Variants in SSR3 observed in about 807,000 individuals in gnomAD.
SSR3 encodes the protein translocon-associated protein subunit gamma.
Under a neutral mutation model 22.1 loss-of-function variants are expected in SSR3, and 10 were observed. The observed-to-expected ratio is 0.45, with a 90% CI of 0.28 to 0.77. SSR3 has a LOEUF of 0.77. Among genes scored for constraint, SSR3 ranks in the 30% least tolerant of loss-of-function variants. SSR3 has a pLI of 0.13. For synonymous variants in SSR3, 104 were observed against 82.5 expected (o/e 1.26, Z -1.42); for missense variants, 181 against 220.5 (o/e 0.82, Z 1.13).
intron 2 of SSR3, among the ~76,000 whole-genome samples, chr3:156,553,314 G>A (rs1720030575): frequency 6.6e-6 from 1 of 152,148 alleles, no homozygotes; most frequent in African/African-American, 2.4e-5. Flanking sequence ...TACGTGAAGA[G>A]CCCAGAACAA....
Position 156,543,021 on chromosome 3 carries a change from T to C in SSR3, c.*182A>G. ...ACTCTGAGTTTCCCTTTCAATTCAT[T>C]TAATTTCAACAATCTGTCAAAAAAC... On this transcript the variant is annotated 3_prime_UTR_variant, in exon 5 of 5. Coordinates refer to ENST00000265044, the MANE Select transcript of SSR3 (RefSeq NM_007107.5). 2.0e-6 allele frequency: 1 copy of C among 492,224 alleles called. No individual in the cohort carries two copies. Among genetic ancestry groups the C allele is most frequent in the African/African-American group, 1.9e-5 (1 of 52,348 alleles). 30.5% of individuals were successfully genotyped at this position (492,224 alleles called of 1,614,324 possible). A position where few individuals can be genotyped will look rare whatever the true frequency, so the allele number is the denominator to read the frequency against.
At chr3:156,549,951 A>T (rs1472751460) in intron 2 of SSR3, among the ~76,000 whole-genome samples, 1 of 152,132 alleles carries the variant, frequency 6.6e-6, no homozygotes, top group African/African-American at 2.4e-5. Flanking sequence ...TACTCCGAAG[A>T]TCCAACTTCA....
In SSR3 at chr3:156,541,440, T is replaced by TG. The variant is rs1322440050; in HGVS notation, c.*1762dup. On this transcript the variant is annotated 3_prime_UTR_variant, in exon 5 of 5. Coordinates refer to ENST00000265044, the MANE Select transcript of SSR3 (RefSeq NM_007107.5). Reference sequence around the variant, plus strand: ...GGGTTTTTTTGTTTCTTTTTTGAGATGGAGTCTCACCCTTGCCACCCAGGC... The same window carrying TG: ...GGGTTTTTTTGTTTCTTTTTTGAGATGGGAGTCTCACCCTTGCCACCCAGGC... 3.3e-5 allele frequency: 5 copies of TG among 152,120 alleles called. No individual in the cohort carries two copies. The highest frequency in any genetic ancestry group is 6.5e-5 in the Admixed American group (1 of 15,268). 9.4% of individuals were successfully genotyped at this position (152,120 alleles called of 1,614,324 possible). A position where few individuals can be genotyped will look rare whatever the true frequency, so the allele number is the denominator to read the frequency against.
chr3:156,549,244 G>C (rs1366668926), intron 2 of SSR3: 7 of 392,076 alleles, frequency 1.8e-5, no homozygotes, highest in Non-Finnish European at 3.2e-5. Context: ...TTAAAAAGAA[G>C]AATTTTCCAC....
rs779778156 is a variant in SSR3 at position 156,554,945 on chromosome 3, C to G, written c.133+12G>C. Reference sequence around the variant, plus strand: ...GGCGGCCTGCCTAACCCGCCTCGCTCCCAGCACTCACAGATGGGGATGGCA... The same window carrying G: ...GGCGGCCTGCCTAACCCGCCTCGCTGCCAGCACTCACAGATGGGGATGGCA... On this transcript the variant is annotated intron_variant, in intron 1 of 4. Transcript: ENST00000265044. The G allele has an allele frequency of 1.2e-6, 2 of 1,612,220 alleles. No homozygotes were observed. The highest frequency in any genetic ancestry group is 4.5e-5 in the East Asian group (2 of 44,826).
In SSR3 at chr3:156,542,858, C is replaced by A. The variant is rs528565562; in HGVS notation, c.*345G>T. ...CAGAGAACCAGTTATTAACTTCCTA[C>A]TACTATTATATAATAAATAATAACA... On this transcript the variant is annotated 3_prime_UTR_variant, in exon 5 of 5. Transcript: ENST00000265044. The A allele has an allele frequency of 4.5e-6, 1 of 219,910 alleles. No individual in the cohort carries two copies. The highest frequency in any genetic ancestry group is 9.6e-5 in the East Asian group (1 of 10,458). 13.6% of individuals were successfully genotyped at this position (219,910 alleles called of 1,614,324 possible).
rs113882873 is a variant in SSR3, at chr3:156,544,361, C to G, written c.438G>C (p.Leu146=). 1.9e-6 allele frequency: 3 copies of G among 1,598,686 alleles called. No individual in the cohort carries two copies. Among genetic ancestry groups the G allele is most frequent in the Non-Finnish European group, 2.6e-6 (3 of 1,172,346 alleles). ...FSIFYNNTLF[L]VVVIVASFFI... ...AGAAGGAAGCAACAATGACCACGAC[C>G]AGGAACAGAGTGTTGTTATAGAAGA... The change falls in exon 4 of 5, where the codon CTG becomes CTC. Residue 146 remains leucine, a synonymous_variant. Coordinates refer to ENST00000265044, the MANE Select transcript of SSR3 (RefSeq NM_007107.5).
rs1453344620 is a variant in SSR3, at chr3:156,540,766, CTT to C, written c.*2435_*2436del. ...CTTTGAATCCCAATTACAGATGAAT[CTT>C]TTATTTCATGGGTGCTGGGTATGTG... is the stretch of plus-strand genomic sequence containing the variant. On this transcript the variant is annotated 3_prime_UTR_variant, in exon 5 of 5. Coordinates refer to ENST00000265044, the MANE Select transcript of SSR3 (RefSeq NM_007107.5). 6.6e-6 allele frequency: 1 copy of C among 152,058 alleles called. No individual in the cohort carries two copies. Among genetic ancestry groups the C allele is most frequent in the Non-Finnish European group, 1.5e-5 (1 of 68,028 alleles). The allele number at this position is 152,058 out of a possible 1,614,324, so 9.4% of individuals were successfully genotyped here. A position where few individuals can be genotyped will look rare whatever the true frequency, so the allele number is the denominator to read the frequency against.
intron 2 of SSR3, among the ~76,000 whole-genome samples, chr3:156,550,853 A>G (rs551908578): frequency 5.6e-4 from 85 of 152,340 alleles, no homozygotes; most frequent in African/African-American, 2.0e-3. Context: ...CTTAACATGT[A>G]TGATCATAAT....
chr3:156,549,938 T>C (rs1173163393), intron 2 of SSR3, among the ~76,000 whole-genome samples: 3 of 152,124 alleles, frequency 2.0e-5, no homozygotes, highest in Admixed American at 6.6e-5. Context: ...AAAATGAACT[T>C]TTTACTCCGA....
At chr3:156,552,972 G>A (rs368559541) in intron 2 of SSR3, among the ~76,000 whole-genome samples, 9 of 151,144 alleles carry the variant, frequency 6.0e-5, no homozygotes, top group African/African-American at 1.9e-4. Context: ...CTTAGACTAT[G>A]TTAATCCTTT....
At chr3:156,546,743 T>C (rs1015374291) in intron 3 of SSR3, among the ~76,000 whole-genome samples, 1 of 152,218 alleles carries the variant, frequency 6.6e-6, no homozygotes, top group African/African-American at 2.4e-5. Flanking sequence ...AAGAGAAATG[T>C]TGAGACCAAG....
At chr3:156,545,727 G>A (rs1411105225) in intron 3 of SSR3, among the ~76,000 whole-genome samples, 1 of 148,998 alleles carries the variant, frequency 6.7e-6, no homozygotes, top group African/African-American at 2.5e-5. Context: ...TTTGGAGGAA[G>A]GGAAGGACAT....
rs777649213 is a variant in SSR3, at chr3:156,544,309, C to G, written c.490G>C (p.Val164Leu). 8.8e-6 allele frequency: 14 copies of G among 1,584,120 alleles called. No individual in the cohort carries two copies. The highest frequency in any genetic ancestry group is 1.2e-5 in the Non-Finnish European group (14 of 1,166,438). ...GATAATCAACCTTGAAAAGGATACA[C>G]TGTGGGGTTGAAGTTCTTCAATATG... ...FFILKNFNPT[V>L]NYILSISASS... Residue 164 changes from valine (V) to leucine (L), a missense_variant and splice_region_variant, in exon 4 of 5, where the codon GTG becomes CTG. Physicochemically the swap from Val to Leu is conservative, Grantham distance 32 (BLOSUM62 1). Coordinates refer to ENST00000265044, the MANE Select transcript of SSR3 (RefSeq NM_007107.5).
chr3:156,548,670 C>A, intron 3 of SSR3: 2 of 522,810 alleles, frequency 3.8e-6, no homozygotes, highest in South Asian at 6.7e-5. Flanking sequence ...AAAATAGTAC[C>A]TACTTCACAG....
intron 1 of SSR3, 60 bp downstream of exon 1, chr3:156,554,897 G>T (rs1209970635): frequency 6.4e-7 from 1 of 1,566,874 alleles, no homozygotes; most frequent in African/African-American, 1.3e-5. Flanking sequence ...GTCCTGCCAC[G>T]TCCCCGCCCA....
chr3:156,544,124 A>T, intron 4 of SSR3, 184 bp downstream of exon 4: 3 of 458,252 alleles, frequency 6.5e-6, no homozygotes, highest in Non-Finnish European at 1.1e-5. Context: ...TCATAAACTT[A>T]AAAGAATCTT....
chr3:156,543,357 G>T, intron 4 of SSR3, 88 bp from the exon 5 acceptor site: 1 of 933,318 alleles, frequency 1.1e-6, no homozygotes. Context: ...GGAATGTACT[G>T]CTTCCTTCCT....
At chr3:156,549,818 A>C (rs928857371) in intron 2 of SSR3, among the ~76,000 whole-genome samples, 7 of 152,340 alleles carry the variant, frequency 4.6e-5, no homozygotes, top group Middle Eastern at 3.4e-3. Flanking sequence ...AGTTCTAAAA[A>C]AAAACAAAAC....
Sources: gnomAD v4.1 joint callset for allele counts (sites outside exome capture counted in the v4.1 genomes callset) on GRCh38, gnomAD v4.1.1 for gene constraint, MANE v1.5 for transcripts, NCBI Gene and HGNC (gene_info 2026-07-23, HGNC 2026-07-21) for gene names.